Variants in SIL1 observed in about 807,000 individuals in gnomAD.
SIL1 encodes the protein nucleotide exchange factor SIL1.
Under a neutral mutation model 49.1 loss-of-function variants are expected in SIL1, and 40 were observed. That is an observed-to-expected ratio of 0.81 (90% CI 0.63 to 1.06). SIL1 has a LOEUF of 1.06. SIL1 is among the 50% of genes least tolerant of loss of function. The pLI, the probability that SIL1 is intolerant of heterozygous loss-of-function variation, is 0.00. For synonymous variants in SIL1, 253 were observed against 250.8 expected, an observed-to-expected ratio of 1.01 and a Z score of -0.08; for missense variants, 500 against 572.6, an observed-to-expected ratio of 0.87 and a Z score of 1.29.
chr5:139,194,462 T>C (rs559365691), intron 1 of SIL1, among the ~76,000 whole-genome samples: 1 of 152,350 alleles, frequency 6.6e-6, no homozygotes, highest in African/African-American at 2.4e-5. Context: ...AAGGGCATGC[T>C]ATTCCGTCTT....
chr5:139,160,185 AC>A (rs1183660121), intron 1 of SIL1, among the ~76,000 whole-genome samples: 2 of 141,964 alleles, frequency 1.4e-5, no homozygotes, highest in African/African-American at 2.5e-5. Context: ...ACACACACAC[AC>A]AAAAGTTATA....
At chr5:139,070,270 T>C (rs149387102) in intron 3 of SIL1, among the ~76,000 whole-genome samples, 12 of 152,110 alleles carry the variant, frequency 7.9e-5, no homozygotes, top group East Asian at 1.9e-4. Context: ...CATATTCTAA[T>C]TGTATAATCC....
intron 4 of SIL1, among the ~76,000 whole-genome samples, chr5:139,046,360 A>G (rs1464377564): frequency 1.3e-5 from 2 of 152,058 alleles, no homozygotes; most frequent in African/African-American, 4.8e-5. Flanking sequence ...ATGGCTTTCC[A>G]TTACAATTAA....
At chr5:139,103,191 C>T (rs149511847) in intron 3 of SIL1, among the ~76,000 whole-genome samples, 9 of 152,280 alleles carry the variant, frequency 5.9e-5, no homozygotes, top group Non-Finnish European at 1.0e-4. Context: ...ACCCAAGGTA[C>T]CGCTCCACCC....
chr5:138,993,912 C>T (rs889597375), intron 7 of SIL1, among the ~76,000 whole-genome samples: 14 of 152,296 alleles, frequency 9.2e-5, no homozygotes, highest in African/African-American at 2.9e-4. Context: ...AATAAGTGTG[C>T]ATTGTTTTAA....
chr5:139,102,036 G>T (rs553543840), intron 3 of SIL1, among the ~76,000 whole-genome samples: 1 of 152,148 alleles, frequency 6.6e-6, no homozygotes, highest in African/African-American at 2.4e-5. Context: ...CACGCACTTG[G>T]GTGTGAATCC....
intron 1 of SIL1, chr5:139,128,076 C>G: frequency 1.8e-6 from 1 of 563,016 alleles, no homozygotes; most frequent in Non-Finnish European, 3.4e-6. Context: ...TACAGTCGAT[C>G]AGGACTCCTG....
chr5:139,137,520 ATTTT>A lies in SIL1; in HGVS notation c.-10-9671_-10-9668del. The A allele has an allele frequency of 5.9e-6, 3 of 506,310 alleles. No individual in the cohort carries two copies. The East Asian group carries it at 9.5e-5, about 16-fold the overall frequency. The allele number at this position is 506,310 out of a possible 1,614,324, so 31.4% of individuals were successfully genotyped here. ...AGGCACATTTTGTGTCAGGACAGAA[ATTTT>A]TTTTTTAATTTTATTATTATTATAC... is the stretch of plus-strand genomic sequence containing the variant. On this transcript the variant is annotated intron_variant, in intron 1 of 9. Transcript: ENST00000394817.
intron 7 of SIL1, among the ~76,000 whole-genome samples, chr5:139,005,719 T>C (rs2150415147): frequency 1.2e-5 from 1 of 81,214 alleles, no homozygotes; most frequent in Admixed American, 1.4e-4. Context: ...TTTTTGTTCT[T>C]GCGATAGTTT....
At position 139,127,738 on chromosome 5, in the gene SIL1, C is replaced by G; in HGVS notation, c.105+1G>C. The stretch of plus-strand genomic sequence containing the variant: ...CTCCCATTTACAATAAAGATATTTA[C>G]CAGGTTCTGATGACTGAGGCAGAAG... On this transcript the variant is annotated splice_donor_variant, in intron 2 of 9. Coordinates refer to ENST00000394817, the MANE Select transcript of SIL1 (RefSeq NM_022464.5). LOFTEE classifies it high-confidence loss of function. 2 of 1,607,938 alleles carry G rather than the reference C, an allele frequency of 1.2e-6. No homozygotes were observed. Among genetic ancestry groups the G allele is most frequent in the Non-Finnish European group, 1.7e-6 (2 of 1,177,970 alleles).
chr5:139,189,710 A>G (rs1752134243), intron 1 of SIL1, among the ~76,000 whole-genome samples: 1 of 152,126 alleles, frequency 6.6e-6, no homozygotes, highest in African/African-American at 2.4e-5. Flanking sequence ...AATCTCAGCT[A>G]CTCAGGAAGC....
At chr5:139,085,586 G>T (rs1770200468) in intron 3 of SIL1, among the ~76,000 whole-genome samples, 1 of 152,172 alleles carries the variant, frequency 6.6e-6, no homozygotes, top group Non-Finnish European at 1.5e-5. Context: ...CTGGGAGAAA[G>T]GAAGGAAGGA....
intron 3 of SIL1, among the ~76,000 whole-genome samples, chr5:139,097,390 G>A (rs934399223): frequency 4.0e-5 from 6 of 151,852 alleles, no homozygotes; most frequent in Non-Finnish European, 8.8e-5. Context: ...TTACAGCATT[G>A]GAATAACTTA....
chr5:139,172,990 A>T (rs1187896890), intron 1 of SIL1, among the ~76,000 whole-genome samples: 4 of 152,060 alleles, frequency 2.6e-5, no homozygotes, highest in Non-Finnish European at 5.9e-5. Context: ...AGGATGTTGC[A>T]ACACCACATT....
chr5:138,980,864 A>C (rs1767502938), intron 7 of SIL1, among the ~76,000 whole-genome samples: 1 of 152,132 alleles, frequency 6.6e-6, no homozygotes. Context: ...CTCTCCTCCC[A>C]GTGTGGCAGG....
At chr5:139,127,928 G>A in intron 1 of SIL1, 75 bp from the exon 2 acceptor site, 2 of 893,752 alleles carry the variant, frequency 2.2e-6, no homozygotes, top group Non-Finnish European at 3.6e-6. Flanking sequence ...TGATTCCCAT[G>A]TCGTCACTTG....
At chr5:139,008,712 G>C (rs1192473341) in intron 7 of SIL1, among the ~76,000 whole-genome samples, 2 of 150,310 alleles carry the variant, frequency 1.3e-5, no homozygotes, top group Non-Finnish European at 3.0e-5. Context: ...CCTTCATTTC[G>C]TTATGTACCC....
At chr5:139,016,355 C>T (rs113048719) in intron 7 of SIL1, among the ~76,000 whole-genome samples, 4 of 152,106 alleles carry the variant, frequency 2.6e-5, no homozygotes, top group African/African-American at 7.2e-5. Context: ...GTTTGAGGTG[C>T]GATGAGACAG....
Position 139,145,326 on chromosome 5 carries a change from C to T in SIL1, c.-10-17473G>A, listed in dbSNP as rs184459822. On this transcript the variant is annotated intron_variant, in intron 1 of 9. Coordinates refer to ENST00000394817, the MANE Select transcript of SIL1 (RefSeq NM_022464.5). ...TAATTATTGAAGAAAAGGAAAATAA[C>T]AAGTGTTGGTGAAGATGTGAAGAAA... 3.3e-5 allele frequency among the ~76,000 whole-genome samples: 5 copies of T among 152,278 alleles called. No homozygotes were observed. In the East Asian group the frequency reaches 9.6e-4, roughly 29 times the overall value.
Sources: gnomAD v4.1 joint callset for allele counts (sites outside exome capture counted in the v4.1 genomes callset) on GRCh38, gnomAD v4.1.1 for gene constraint, MANE v1.5 for transcripts, NCBI Gene and HGNC (gene_info 2026-07-23, HGNC 2026-07-21) for gene names.